The following TASOR variants were observed in gnomAD, a reference collection of about 807,000 sequenced individuals.
TASOR encodes the protein protein TASOR.
Under a neutral mutation model 178.6 loss-of-function variants are expected in TASOR, and 53 were observed. The observed-to-expected ratio is 0.30, with a 90% CI of 0.24 to 0.37. The LOEUF (loss-of-function observed/expected upper bound fraction) is 0.37. Ranked by LOEUF, TASOR falls within the 10% of genes least tolerant of loss-of-function variation. The pLI, the probability that TASOR is intolerant of heterozygous loss-of-function variation, is 1.00. For missense variants in TASOR, 1,815 were observed against 1,971.4 expected, an observed-to-expected ratio of 0.92 and a Z score of 1.50; for synonymous variants, 713 against 696.2, an observed-to-expected ratio of 1.02 and a Z score of -0.38.
intron 1 of TASOR, among the ~76,000 whole-genome samples, chr3:56,681,279 T>G (rs140318636): frequency 0.023 from 3,435 of 152,286 alleles, 102 homozygotes; most frequent in Non-Finnish European, 0.031. Context: ...ACTTTTCTCA[T>G]ACAGACTATA....
intron 14 of TASOR, among the ~76,000 whole-genome samples, chr3:56,644,719 A>G (rs2077199787): frequency 6.6e-6 from 1 of 152,220 alleles, no homozygotes; most frequent in East Asian, 1.9e-4. Flanking sequence ...AGGCCACCAA[A>G]GAGATAAAGA....
intron 17 of TASOR, among the ~76,000 whole-genome samples, chr3:56,636,174 G>T (rs900182130): frequency 1.3e-5 from 2 of 151,716 alleles, no homozygotes; most frequent in Non-Finnish European, 2.9e-5. Context: ...GCCAGGCGTG[G>T]TGGCGAGCAC....
chr3:56,661,752 T>C (rs2077599817), intron 9 of TASOR, among the ~76,000 whole-genome samples: 2 of 152,234 alleles, frequency 1.3e-5, no homozygotes, highest in African/African-American at 4.8e-5. Context: ...TTAAGTCTAC[T>C]ATATTCAAAA....
intron 7 of TASOR, chr3:56,664,101 A>G (rs1294461183): frequency 1.0e-5 from 1 of 97,420 alleles, no homozygotes; most frequent in East Asian, 4.6e-4. Flanking sequence ...GTATAGAGGT[A>G]AAAAAAAAAA....
intron 13 of TASOR, among the ~76,000 whole-genome samples, chr3:56,648,107 T>C (rs2077273613): frequency 6.6e-6 from 1 of 152,136 alleles, no homozygotes; most frequent in African/African-American, 2.4e-5. Context: ...CTCAAGAGGC[T>C]GAGGCAGGAG....
At chr3:56,624,357 C>A in intron 23 of TASOR, 122 bp downstream of exon 23, 1 of 904,936 alleles carries the variant, frequency 1.1e-6, no homozygotes, top group Non-Finnish European at 1.7e-6. Context: ...GAAACACTTT[C>A]CCTATGGCTG....
chr3:56,648,769 A>G (rs1004676151), intron 13 of TASOR, 53 bp downstream of exon 13: 7 of 1,317,542 alleles, frequency 5.3e-6, no homozygotes, highest in Non-Finnish European at 5.3e-6. Context: ...GAAAATTTCA[A>G]TGAAATGTTA....
chr3:56,640,787 C>T (rs1367578509), intron 15 of TASOR, among the ~76,000 whole-genome samples: 2 of 152,146 alleles, frequency 1.3e-5, no homozygotes, highest in Admixed American at 6.5e-5. Flanking sequence ...GCAGATAAGG[C>T]TACTTCTCAG....
In TASOR at chr3:56,646,681, T is replaced by C. The variant is rs201078107; in HGVS notation, c.2056A>G (p.Asn686Asp). ...YDKDRVKELI[N>D]LIQCRKKSVG... ...CTCTTTTTCCTACACTGAATTAAAT[T>C]AATCAATTCTTTGACTCTATCCTTA... Residue 686 changes from asparagine to aspartate, a missense_variant, in exon 14 of 24, where the codon AAT becomes GAT. Asn to Asp is a conservative substitution (Grantham distance 23). Transcript: ENST00000683822. 4.3e-6 allele frequency: 7 copies of C among 1,613,902 alleles called. No homozygotes were observed. The highest frequency in any genetic ancestry group is 5.1e-6 in the Non-Finnish European group (6 of 1,179,998).
chr3:56,642,572 C>CT (rs1247064309), intron 14 of TASOR, among the ~76,000 whole-genome samples: 3 of 152,188 alleles, frequency 2.0e-5, no homozygotes, highest in Non-Finnish European at 4.4e-5. Flanking sequence ...CTGTATGACT[C>CT]TAATTATGTA....
At chr3:56,655,457 C>T (rs762259909) in intron 11 of TASOR, among the ~76,000 whole-genome samples, 4 of 151,992 alleles carry the variant, frequency 2.6e-5, no homozygotes, top group East Asian at 1.9e-4. Context: ...AAGAGACTAA[C>T]GACAATAATT....
chr3:56,620,823 T>C lies in TASOR; in HGVS notation c.*2214A>G, dbSNP rs1212478559. The C allele has an allele frequency of 6.6e-6, 1 of 152,186 alleles. No individual in the cohort carries two copies. The highest frequency in any genetic ancestry group is 1.5e-5 in the Non-Finnish European group (1 of 68,092). 9.4% of individuals were successfully genotyped at this position (152,186 alleles called of 1,614,324 possible). A position where few individuals can be genotyped will look rare whatever the true frequency, so the allele number is the denominator to read the frequency against. The stretch of plus-strand genomic sequence containing the variant: ...TGTTATTTCAGCAGGACCCTTCTGT[T>C]AGCATCTAAGGTAAGGTTAGGACAG... On this transcript the variant is annotated 3_prime_UTR_variant, in exon 24 of 24. Transcript: ENST00000683822.
At chr3:56,648,267 G>C (rs1317892216) in intron 13 of TASOR, among the ~76,000 whole-genome samples, 1 of 151,994 alleles carries the variant, frequency 6.6e-6, no homozygotes. Flanking sequence ...CTAAGCTACA[G>C]TACTATAACA....
chr3:56,670,029 C>A, intron 4 of TASOR, 44 bp downstream of exon 4: 1 of 1,252,754 alleles, frequency 8.0e-7, no homozygotes, highest in Admixed American at 2.6e-5. Context: ...TTTTAGACAG[C>A]AACTTAGTAG....
At chr3:56,630,766 C>T (rs1559816632) in intron 18 of TASOR, among the ~76,000 whole-genome samples, 1 of 151,974 alleles carries the variant, frequency 6.6e-6, no homozygotes, top group Non-Finnish European at 1.5e-5. Flanking sequence ...AATTGCTTGA[C>T]CCCAGAAGGC....
At chr3:56,630,407 A>G (rs1352418936) in intron 18 of TASOR, among the ~76,000 whole-genome samples, 1 of 152,268 alleles carries the variant, frequency 6.6e-6, no homozygotes, top group African/African-American at 2.4e-5. Context: ...GATTAAAAGA[A>G]TTAAAGTTTC....
intron 1 of TASOR, among the ~76,000 whole-genome samples, chr3:56,674,019 A>G (rs1217605639): frequency 2.0e-5 from 3 of 152,252 alleles, no homozygotes; most frequent in East Asian, 3.9e-4. Context: ...TAAATTGCTT[A>G]AAGACTCTTA....
At chr3:56,663,476 T>A (rs2077643045) in intron 8 of TASOR, 65 bp downstream of exon 8, 1 of 906,486 alleles carries the variant, frequency 1.1e-6, no homozygotes, top group African/African-American at 1.7e-5. Flanking sequence ...TACAAAGCAC[T>A]TAATCTTTTG....
intron 6 of TASOR, 45 bp from the exon 7 acceptor site, chr3:56,666,429 G>A: frequency 7.2e-7 from 1 of 1,379,330 alleles, no homozygotes; most frequent in South Asian, 1.7e-5. Flanking sequence ...AAAAGGCAAG[G>A]TGAAACCTTA....
Sources: gnomAD v4.1 joint callset for allele counts (sites outside exome capture counted in the v4.1 genomes callset) on GRCh38, gnomAD v4.1.1 for gene constraint, MANE v1.5 for transcripts, NCBI Gene and HGNC (gene_info 2026-07-23, HGNC 2026-07-21) for gene names.